The following OR2L13 variants were observed in gnomAD, a reference collection of about 807,000 sequenced individuals.
The protein encoded by OR2L13 is olfactory receptor 2L13.
OR2L13 carries 14 observed loss-of-function variants against 15.3 expected under a neutral mutation model. The ratio of observed to expected loss-of-function variants is 0.91; its 90% CI spans 0.60 to 1.43. OR2L13 has a LOEUF of 1.43. Ranked by LOEUF, OR2L13 falls within the 40% of genes most tolerant of loss-of-function variation. The pLI is 0.00. For missense variants in OR2L13, 367 were observed against 387.9 expected (o/e 0.95, Z 0.45); for synonymous variants, 152 against 142.9 (o/e 1.06, Z -0.45).
chr1:248,070,792 A>G, the OR2L13 span, among the ~76,000 whole-genome samples: 1 of 152,200 alleles, frequency 6.6e-6, no homozygotes, highest in Non-Finnish European at 1.5e-5. Flanking sequence ...GATAAAGTGG[A>G]TATCACCACT....
the OR2L13 span, among the ~76,000 whole-genome samples, chr1:247,981,941 G>A: frequency 6.6e-6 from 1 of 151,478 alleles, no homozygotes; most frequent in East Asian, 1.9e-4. Flanking sequence ...TCAGCCTCCC[G>A]AGTAGCTGGG....
chr1:248,002,155 A>G, the OR2L13 span, among the ~76,000 whole-genome samples: 1 of 152,312 alleles, frequency 6.6e-6, no homozygotes, highest in South Asian at 2.1e-4. Flanking sequence ...ACCTGAAAAT[A>G]AATTGCTCTG....
At chr1:248,084,111 A>C in the OR2L13 span, 12 of 1,611,646 alleles carry the variant, frequency 7.4e-6, no homozygotes, top group Non-Finnish European at 1.0e-5. Flanking sequence ...TGGGAAGCTC[A>C]GGGTAGCAAC....
the OR2L13 span, among the ~76,000 whole-genome samples, chr1:248,070,759 A>C: frequency 6.6e-6 from 1 of 152,186 alleles, no homozygotes; most frequent in African/African-American, 2.4e-5. Flanking sequence ...AGAGAGAAGA[A>C]TCAAATAGAC....
At chr1:247,975,190 GC>G in the OR2L13 span, 16 of 394,900 alleles carry the variant, frequency 4.1e-5, no homozygotes, top group East Asian at 1.0e-3. Context: ...TGGATAATGG[GC>G]TCTATCGACA....
chr1:248,004,150 C>G, the OR2L13 span: 2 of 1,222,186 alleles, frequency 1.6e-6, no homozygotes, highest in Non-Finnish European at 2.2e-6. Context: ...CATTTCATTC[C>G]TAGAGTTCAG....
chr1:247,945,201 G>A, the OR2L13 span, among the ~76,000 whole-genome samples: 1 of 152,052 alleles, frequency 6.6e-6, no homozygotes, highest in African/African-American at 2.4e-5. Flanking sequence ...ATTCTGATAA[G>A]TTGTCTCTTT....
chr1:247,953,193 GGAAATTAACGAATTCA>G, the OR2L13 span, among the ~76,000 whole-genome samples: 2,016 of 152,172 alleles, frequency 0.013, 39 homozygotes, highest in African/African-American at 0.044. Flanking sequence ...CTCTTGATGG[GGAAATTAACGAATTCA>G]TTACCTCACA....
At chr1:247,988,930 T>A in the OR2L13 span, among the ~76,000 whole-genome samples, 2 of 152,162 alleles carry the variant, frequency 1.3e-5, no homozygotes, top group Admixed American at 1.3e-4. Flanking sequence ...ATTCTTATGA[T>A]CCTTTCATAA....
the OR2L13 span, chr1:247,980,945 A>G: frequency 2.6e-5 from 4 of 152,308 alleles, no homozygotes; most frequent in African/African-American, 9.6e-5. Flanking sequence ...GGTACTAATT[A>G]TATTTGTATT....
At chr1:248,041,311 A>G in the OR2L13 span, 4 of 151,992 alleles carry the variant, frequency 2.6e-5, no homozygotes, top group African/African-American at 7.2e-5. Context: ...GCCATATGTA[A>G]AAAGCTGAAA....
chr1:247,993,809 G>GAGAAAGAA, the OR2L13 span, among the ~76,000 whole-genome samples: 1 of 132,920 alleles, frequency 7.5e-6, no homozygotes, highest in African/African-American at 3.7e-5. Context: ...GAGAGAGAGA[G>GAGAAAGAA]AGAAAGAAAG....
chr1:247,941,839 G>A, the OR2L13 span, among the ~76,000 whole-genome samples: 2 of 151,970 alleles, frequency 1.3e-5, no homozygotes, highest in Non-Finnish European at 2.9e-5. Context: ...TATTCTCTTC[G>A]GCATCTTAAA....
At chr1:248,009,709 A>G in the OR2L13 span, among the ~76,000 whole-genome samples, 3 of 152,108 alleles carry the variant, frequency 2.0e-5, no homozygotes, top group Admixed American at 6.5e-5. Context: ...CAGAGACAAA[A>G]CAGAAAAAGA....
At chr1:248,081,363 G>A in the OR2L13 span, among the ~76,000 whole-genome samples, 1 of 151,908 alleles carries the variant, frequency 6.6e-6, no homozygotes, top group South Asian at 2.1e-4. Context: ...TCTTACATTT[G>A]CTTGGAGATA....
At chr1:248,010,300 T>C in the OR2L13 span, among the ~76,000 whole-genome samples, 2 of 152,162 alleles carry the variant, frequency 1.3e-5, no homozygotes, top group Non-Finnish European at 2.9e-5. Context: ...CTGTTTGTTA[T>C]GATTTCCGTT....
chr1:247,939,240 T>C, the OR2L13 span: 1 of 152,192 alleles, frequency 6.6e-6, no homozygotes, highest in Non-Finnish European at 1.5e-5. Flanking sequence ...GATTCTCTTA[T>C]GTAGAAACAC....
the OR2L13 span, among the ~76,000 whole-genome samples, chr1:247,982,898 A>AT: frequency 6.6e-6 from 1 of 152,038 alleles, no homozygotes; most frequent in African/African-American, 2.4e-5. Flanking sequence ...AACCTCTTAT[A>AT]TTTTTGTTTT....
chr1:248,019,085 C>G, the OR2L13 span, among the ~76,000 whole-genome samples: 1 of 152,032 alleles, frequency 6.6e-6, no homozygotes, highest in Non-Finnish European at 1.5e-5. Context: ...TGTGATAATA[C>G]TGCTGTGAAT....
Sources: gnomAD v4.1 joint callset for allele counts (sites outside exome capture counted in the v4.1 genomes callset) on GRCh38, gnomAD v4.1.1 for gene constraint, MANE v1.5 for transcripts, NCBI Gene and HGNC (gene_info 2026-07-23, HGNC 2026-07-21) for gene names.